Variants in TEP1 observed in about 807,000 individuals in gnomAD.
TEP1 encodes the protein telomerase protein component 1.
A neutral mutation model predicts 306.3 loss-of-function variants in TEP1; 241 were observed. The ratio of observed to expected loss-of-function variants is 0.79; its 90% CI spans 0.71 to 0.88. The LOEUF is 0.88. Among genes scored for constraint, TEP1 ranks in the 40% least tolerant of loss-of-function variants. The pLI is 0.00. For synonymous variants in TEP1, 1,289 were observed against 1,305.5 expected (o/e 0.99, Z 0.27); for missense variants, 3,051 against 3,276.1 (o/e 0.93, Z 1.68).
chr14:20,404,589 C>G lies in TEP1; in HGVS notation c.1032+22G>C, dbSNP rs1879021932. On this transcript the variant is annotated intron_variant, in intron 5 of 54. Coordinates refer to ENST00000262715, the MANE Select transcript of TEP1 (RefSeq NM_007110.5). ...AGAAGGAATGAAGTGAAGGCCCAAG[C>G]TCAGGGAAATGAGCACCATACCTGG... The G allele has an allele frequency of 5.6e-6, 9 of 1,602,272 alleles. No individual in the cohort carries two copies. In the East Asian group the frequency reaches 1.6e-4, roughly 28 times the overall value.
At chr14:20,388,649 TTTC>T (rs1877418831) in intron 17 of TEP1, among the ~76,000 whole-genome samples, 1 of 152,254 alleles carries the variant, frequency 6.6e-6, no homozygotes, top group South Asian at 2.1e-4. Context: ...CCATGTCCCC[TTTC>T]TTCTTTCCTA....
intron 43 of TEP1, 48 bp downstream of exon 43, chr14:20,375,707 C>T (rs775751663): frequency 9.2e-6 from 12 of 1,302,808 alleles, no homozygotes; most frequent in Non-Finnish European, 1.3e-5. Flanking sequence ...TGTTGTCTTG[C>T]CCCAGGAACC....
intron 1 of TEP1, among the ~76,000 whole-genome samples, chr14:20,411,703 G>GA (rs1423209327): frequency 1.3e-5 from 2 of 151,922 alleles, no homozygotes; most frequent in Non-Finnish European, 2.9e-5. Flanking sequence ...AGTATATACT[G>GA]TTTTGTGCTC....
At chr14:20,379,155 C>G (rs1319931807) in intron 35 of TEP1, 50 bp from the exon 36 acceptor site, 1 of 1,601,416 alleles carries the variant, frequency 6.2e-7, no homozygotes. Flanking sequence ...CTTGACCCTC[C>G]AAGTCCCACC....
chr14:20,382,053 C>T lies in TEP1; in HGVS notation c.4284G>A (p.Val1428=), dbSNP rs2228030. The change falls in exon 30 of 55, where the codon GTG becomes GTA. Residue 1428 remains valine (V), a synonymous_variant. Coordinates refer to ENST00000262715, the MANE Select transcript of TEP1 (RefSeq NM_007110.5). ...ALEVTRSGLT[V]DQLHGVLSVW... ...CACTCAGCACTCCGTGCAGCTGGTC[C>T]ACAGTCAAACCTGAAAACTCAAGCT... 10,356 of 1,614,062 alleles carry T rather than the reference C, an allele frequency of 6.4e-3. 517 individuals carry two copies. The African/African-American group carries it at 0.12, about 18-fold the overall frequency.
intron 1 of TEP1, 68 bp from the exon 2 acceptor site, chr14:20,408,531 T>A (rs1252484821): frequency 4.8e-6 from 6 of 1,238,674 alleles, no homozygotes; most frequent in Admixed American, 2.4e-5. Context: ...TGAGAGCATA[T>A]CTTCCCCACA....
At chr14:20,400,497 C>CAAAAAAAAAAAAAAAAAAAAAAACA (rs1878593920) in intron 9 of TEP1, among the ~76,000 whole-genome samples, 2 of 85,470 alleles carry the variant, frequency 2.3e-5, no homozygotes, top group Admixed American at 1.3e-4. Flanking sequence ...AAAAGTAGAC[C>CAAAAAAAAAAAAAAAAAAAAAAACA]AAAAAAAAAA....
chr14:20,410,371 G>A (rs1879555983), intron 1 of TEP1, among the ~76,000 whole-genome samples: 1 of 152,102 alleles, frequency 6.6e-6, no homozygotes, highest in Non-Finnish European at 1.5e-5. Flanking sequence ...CAGAGGCTGA[G>A]GCAGGAGGAT....
rs758647976 is a variant in TEP1 at position 20,405,441 on chromosome 14, AC to A, written c.870+9del. 4 of 1,613,112 alleles carry A rather than the reference AC, an allele frequency of 2.5e-6. No homozygotes were observed. In the African/African-American group the frequency reaches 5.4e-5, roughly 22 times the overall value. ...TTCACACCCCCATCCCCTCCTTCAC[AC>A]CTCAATACCTTGAGGATAAACTCAG... is the stretch of plus-strand genomic sequence containing the variant. On this transcript the variant is annotated intron_variant, in intron 4 of 54. Coordinates refer to ENST00000262715, the MANE Select transcript of TEP1 (RefSeq NM_007110.5).
intron 10 of TEP1, 57 bp from the exon 11 acceptor site, chr14:20,396,006 T>C: frequency 2.2e-6 from 3 of 1,350,382 alleles, no homozygotes; most frequent in Admixed American, 3.5e-5. Context: ...ATGGGGGGCT[T>C]CAGGGGTCCA....
chr14:20,390,921 G>A lies in TEP1; in HGVS notation c.2256+17C>T. 1.9e-6 allele frequency: 3 copies of A among 1,613,768 alleles called. No homozygotes were observed. The highest frequency in any genetic ancestry group is 2.5e-6 in the Non-Finnish European group (3 of 1,179,792). On this transcript the variant is annotated intron_variant, in intron 14 of 54. Transcript: ENST00000262715. ...GTCCTTCATGTATTTTTGGATGGTG[G>A]GTGTTGAGTGTCTGACCTGGACTTG...
rs1286836699 is a variant in TEP1 at position 20,386,547 on chromosome 14, C to T, written c.2761G>A (p.Val921Met). ...GCTCGGGCCTGCAGTGCTGGCAGCA[C>T]AGACCTCAGCAGCAGGTCCCGCTCC... ...HGERDLLLRS[V>M]LPALQARAAP... is the part of the protein sequence containing the mutation. The change falls in exon 19 of 55, where the codon GTG becomes ATG. Residue 921 changes from valine (V) to methionine (M), a missense_variant. Around this residue, in one of 3 missense-constraint regions of TEP1, gnomAD observed 1,507 missense variants for 1,550.5 expected, o/e 0.97. Coordinates refer to ENST00000262715, the MANE Select transcript of TEP1 (RefSeq NM_007110.5). The T allele has an allele frequency of 3.1e-6, 5 of 1,612,720 alleles. No individual in the cohort carries two copies. In the East Asian group the frequency reaches 1.1e-4, roughly 36 times the overall value.
Position 20,410,020 on chromosome 14 carries a change from C to CAAAAAAAAAA in TEP1, c.-24-1567_-24-1558dup, listed in dbSNP as rs570672845. On this transcript the variant is annotated intron_variant, in intron 1 of 54. Transcript: ENST00000262715. Reference sequence around the variant, plus strand: ...TGGGCGACAGAGCAAGACTCTGTCTCAAAAAAAAAAAAAAAAAAAAAAAAA... The same window carrying CAAAAAAAAAA: ...TGGGCGACAGAGCAAGACTCTGTCTCAAAAAAAAAAAAAAAAAAAAAAAAAAAAAAAAAAA... 9.8e-4 allele frequency among the ~76,000 whole-genome samples: 58 copies of CAAAAAAAAAA among 58,938 alleles called. 5 individuals are homozygous for CAAAAAAAAAA. The highest frequency in any genetic ancestry group is 1.7e-3 in the East Asian group (4 of 2,316). 38.7% of individuals were successfully genotyped at this position (58,938 alleles called of 152,430 possible). A position where few individuals can be genotyped will look rare whatever the true frequency, so the allele number is the denominator to read the frequency against.
At position 20,373,692 on chromosome 14, in the gene TEP1, A is replaced by G. The variant is rs529598159; in HGVS notation, c.6590T>C (p.Met2197Thr). The change falls in exon 45 of 55, where the codon ATG becomes ACG. Residue 2197 changes from methionine (M) to threonine (T), a missense_variant. Physicochemically the swap from Met to Thr is moderately conservative, Grantham distance 81. Around this residue, in one of 3 missense-constraint regions of TEP1, gnomAD observed 1,540 missense variants for 1,705.9 expected, o/e 0.90. Transcript: ENST00000262715. ...CGTTTTGTTACCTGCACGGGGCTCCATGGCAGCTGCACAGTGGCTAATGGG... is the reference window on the plus strand; with the variant it reads ...CGTTTTGTTACCTGCACGGGGCTCCGTGGCAGCTGCACAGTGGCTAATGGG... The part of the protein sequence containing the change: ...SGPISHCAAA[M>T]EPRAAGQPGS... 1.2e-6 allele frequency: 2 copies of G among 1,614,226 alleles called. No homozygotes were observed. Among genetic ancestry groups the G allele is most frequent in the Non-Finnish European group, 1.7e-6 (2 of 1,180,034 alleles).
At chr14:20,407,825 C>G (rs750666810) in intron 2 of TEP1, 48 bp downstream of exon 2, 1 of 1,453,464 alleles carries the variant, frequency 6.9e-7, no homozygotes, top group East Asian at 2.3e-5. Context: ...GAGACAAGAG[C>G]ATACAACAGA....
intron 43 of TEP1, among the ~76,000 whole-genome samples, chr14:20,375,251 G>A (rs192295618): frequency 8.5e-5 from 13 of 152,192 alleles, no homozygotes; most frequent in African/African-American, 2.9e-4. Context: ...CTGCCTCCCG[G>A]GTTCAAGTTA....
chr14:20,385,932 G>T, intron 20 of TEP1, 143 bp downstream of exon 20: 1 of 1,278,128 alleles, frequency 7.8e-7, no homozygotes, highest in Non-Finnish European at 1.1e-6. Context: ...GTCACTTGCA[G>T]TATCTTCAGC....
At chr14:20,386,312 G>A (rs1444833779) in intron 19 of TEP1, 117 bp from the exon 20 acceptor site, 15 of 1,588,018 alleles carry the variant, frequency 9.4e-6, no homozygotes, top group African/African-American at 2.7e-5. Flanking sequence ...AAGGTAGGCT[G>A]CTCTTGTTAG....
chr14:20,377,534 G>A, intron 40 of TEP1, 42 bp from the exon 41 acceptor site: 1 of 1,611,896 alleles, frequency 6.2e-7, no homozygotes, highest in Non-Finnish European at 8.5e-7. Flanking sequence ...CACTTGGGAA[G>A]GGGTAGGGGG....
Sources: gnomAD v4.1 joint callset for allele counts (sites outside exome capture counted in the v4.1 genomes callset) on GRCh38, gnomAD v4.1.1 for gene constraint, gnomAD v4.1.1 regional missense constraint, MANE v1.5 for transcripts, NCBI Gene and HGNC (gene_info 2026-07-23, HGNC 2026-07-21) for gene names.